Variants in AKT1S1 observed in about 807,000 individuals in gnomAD.
AKT1S1 encodes proline-rich AKT1 substrate 1.
Under a neutral mutation model 21.2 loss-of-function variants are expected in AKT1S1, and 17 were observed. That is an observed-to-expected ratio of 0.80 (90% CI 0.55 to 1.20). The LOEUF is 1.20. AKT1S1 is among the 50% of genes most tolerant of loss of function. AKT1S1 has a pLI of 0.00. For synonymous variants in AKT1S1, 181 were observed against 165.6 expected, an observed-to-expected ratio of 1.09 and a Z score of -0.72; for missense variants, 366 against 368.3, an observed-to-expected ratio of 0.99 and a Z score of 0.05.
intron 1 of AKT1S1, chr19:49,876,626 CCCGG>C: frequency 6.5e-7 from 1 of 1,531,348 alleles, no homozygotes; most frequent in Non-Finnish European, 8.8e-7. Context: ...GCATGGCCGG[CCCGG>C]CGCCGTCACC....
chr19:49,876,161 G>C, intron 1 of AKT1S1: 1 of 1,000,884 alleles, frequency 1.0e-6, no homozygotes, highest in Non-Finnish European at 1.2e-6. Context: ...TGGGGTGAGC[G>C]CCTGGGGCCA....
rs1017331630 is a variant in AKT1S1 at position 49,869,059 on chromosome 19, CTT to C, written c.*856_*857del. On this transcript the variant is annotated 3_prime_UTR_variant, in exon 5 of 5. Transcript: ENST00000344175. Reference sequence around the variant, plus strand: ...TCACATTTATCTCAGAGGTAAAACTCTTTAATCTCAGAGCGCCCCTCCCAACT... The same window carrying C: ...TCACATTTATCTCAGAGGTAAAACTCTAATCTCAGAGCGCCCCTCCCAACT... 1.3e-5 allele frequency: 2 copies of C among 152,562 alleles called. No individual in the cohort carries two copies. The highest frequency in any genetic ancestry group is 6.5e-5 in the Admixed American group (1 of 15,292). 9.5% of individuals were successfully genotyped at this position (152,562 alleles called of 1,614,324 possible). A position where few individuals can be genotyped will look rare whatever the true frequency, so the allele number is the denominator to read the frequency against.
chr19:49,872,813 C>A, intron 2 of AKT1S1, 104 bp downstream of exon 2: 2 of 1,369,040 alleles, frequency 1.5e-6, no homozygotes, highest in Non-Finnish European at 2.0e-6. Flanking sequence ...TGAGACTGCA[C>A]TTCTGTAGAA....
rs887765877 is a variant in AKT1S1, at chr19:49,873,547, C to T, written c.-7-245G>A. On this transcript the variant is annotated intron_variant, in intron 1 of 4. Transcript: ENST00000344175. This position sits in a 1 kb window ranked among gnomAD's most constrained non-coding sequence, Gnocchi z 6.9. ...TCCTCCTGCCCCAAGTCACTGTACT[C>T]CTTCCCCTTTGGCCCTGCCCTGGCC... 1 of 669,476 alleles carries T rather than the reference C, an allele frequency of 1.5e-6. No individual in the cohort carries two copies. Among genetic ancestry groups the T allele is most frequent in the Non-Finnish European group, 2.2e-6 (1 of 448,850 alleles). 41.5% of individuals were successfully genotyped at this position (669,476 alleles called of 1,614,324 possible). A position where few individuals can be genotyped will look rare whatever the true frequency, so the allele number is the denominator to read the frequency against.
chr19:49,870,959 G>T (rs1433472068), intron 4 of AKT1S1, among the ~76,000 whole-genome samples: 9 of 152,148 alleles, frequency 5.9e-5, no homozygotes, highest in African/African-American at 2.2e-4. Flanking sequence ...TGGGGACCCA[G>T]GCCTCCTCCC....
Position 49,869,927 on chromosome 19 carries a change from C to T in AKT1S1, c.761G>A (p.Arg254Gln), listed in dbSNP as rs1386294830. The T allele has an allele frequency of 1.3e-6, 2 of 1,524,268 alleles. No individual in the cohort carries two copies. Among genetic ancestry groups the T allele is most frequent in the East Asian group, 2.6e-5 (1 of 38,790 alleles). 94.4% of individuals were successfully genotyped at this position (1,524,268 alleles called of 1,614,324 possible). Residue 254 changes from arginine to glutamine, a missense_variant, in exon 5 of 5, where the codon CGG becomes CAG. Coordinates refer to ENST00000344175, the MANE Select transcript of AKT1S1 (RefSeq NM_001098633.4). ...LNTSDFQKLK[R>Q]KY ...CTCCCTCCCTGGACTTCAATATTTC[C>T]GCTTCAGCTTCTGGAAGTCGCTGGT... is the stretch of plus-strand genomic sequence containing the variant.
chr19:49,873,348 C>T lies in AKT1S1; in HGVS notation c.-7-46G>A, dbSNP rs2074907989. The T allele has an allele frequency of 7.1e-7, 1 of 1,399,550 alleles. No homozygotes were observed. The highest frequency in any genetic ancestry group is 9.2e-7 in the Non-Finnish European group (1 of 1,085,644). The allele number at this position is 1,399,550 out of a possible 1,614,324, so 86.7% of individuals were successfully genotyped here. A position where few individuals can be genotyped will look rare whatever the true frequency, so the allele number is the denominator to read the frequency against. ...GAGGGGGCTGAGGCTTGGCGGCCTACATCATCGCCACCCACTCAGAGTGCC... is the reference window on the plus strand; with the variant it reads ...GAGGGGGCTGAGGCTTGGCGGCCTATATCATCGCCACCCACTCAGAGTGCC... On this transcript the variant is annotated intron_variant, in intron 1 of 4. Transcript: ENST00000344175. The surrounding 1 kb of genome is among the most constrained non-coding windows in gnomAD (Gnocchi z 6.9).
rs139214469 is a variant in AKT1S1, at chr19:49,876,070, G to T, written c.-8+1167C>A. On this transcript the variant is annotated intron_variant, in intron 1 of 4. Coordinates refer to ENST00000344175, the MANE Select transcript of AKT1S1 (RefSeq NM_001098633.4). The stretch of plus-strand genomic sequence containing the variant: ...GAGGGAAAAGAGCTAAGGAGGAGAG[G>T]GGTGGAACCACCCCTCCTGTCGAAA... 1.2e-5 allele frequency: 12 copies of T among 985,614 alleles called. No individual in the cohort carries two copies. In the South Asian group the frequency reaches 4.2e-4, roughly 35 times the overall value. 61.1% of individuals were successfully genotyped at this position (985,614 alleles called of 1,614,324 possible).
At chr19:49,876,541 C>T (rs1441551956) in intron 1 of AKT1S1, 3 of 1,464,824 alleles carry the variant, frequency 2.0e-6, no homozygotes, top group Non-Finnish European at 2.7e-6. Context: ...TCCCAGCGCC[C>T]CGCTGCCTCA....
At chr19:49,877,781 T>C, upstream of AKT1S1, 2 of 1,572,404 alleles carry the variant, frequency 1.3e-6, no homozygotes, top group African/African-American at 1.3e-5. Context: ...CTTCAGTGTA[T>C]GCGAAACGCC....
At chr19:49,875,729 T>G in intron 1 of AKT1S1, 1 of 395,060 alleles carries the variant, frequency 2.5e-6, no homozygotes, top group Non-Finnish European at 3.4e-6. Context: ...TGAAATAGGG[T>G]GAGTGAGTTG....
chr19:49,874,968 C>G (rs1347679621), intron 1 of AKT1S1: 1 of 152,284 alleles, frequency 6.6e-6, no homozygotes, highest in Non-Finnish European at 1.5e-5. Context: ...TCTCACCTAT[C>G]TGACTCACTC....
Position 49,871,792 on chromosome 19 carries a change from G to A in AKT1S1, c.457+20C>T, listed in dbSNP as rs373349668. On this transcript the variant is annotated intron_variant, in intron 3 of 4. Transcript: ENST00000344175. ...TGTGCCTGCCCTCAGGTCGGGAGGG[G>A]AACAGCCTGGGACACTCACCATCTG... The A allele has an allele frequency of 3.1e-5, 50 of 1,611,766 alleles. No homozygotes were observed. In the African/African-American group the frequency reaches 5.4e-4, roughly 17 times the overall value.
rs940201478 is a variant in AKT1S1, at chr19:49,871,458, A to G, written c.627+89T>C. The G allele has an allele frequency of 6.5e-6, 10 of 1,545,742 alleles. No individual in the cohort carries two copies. In the African/African-American group the frequency reaches 1.4e-4, roughly 21 times the overall value. ...AGGATTCAGTTAGCTTATGGGTGGA[A>G]AGCAGCATCCATGCTGGAGGGCTTC... On this transcript the variant is annotated intron_variant, in intron 4 of 4. Coordinates refer to ENST00000344175, the MANE Select transcript of AKT1S1 (RefSeq NM_001098633.4).
At chr19:49,870,186 C>T in intron 4 of AKT1S1, 126 bp from the exon 5 acceptor site, 1 of 1,135,234 alleles carries the variant, frequency 8.8e-7, no homozygotes, top group Non-Finnish European at 1.1e-6. Flanking sequence ...CCACCTGTGC[C>T]CTGCGATGCC....
chr19:49,869,608 CG>C lies in AKT1S1; in HGVS notation c.*308del, dbSNP rs1000990353. 7.2e-6 allele frequency: 2 copies of C among 278,528 alleles called. No individual in the cohort carries two copies. The highest frequency in any genetic ancestry group is 4.4e-5 in the African/African-American group (2 of 45,694). The allele number at this position is 278,528 out of a possible 1,614,324, so 17.3% of individuals were successfully genotyped here. A position where few individuals can be genotyped will look rare whatever the true frequency, so the allele number is the denominator to read the frequency against. ...TGCGAGCAAATCCCTTGTCGCTAGG[CG>C]GAAAACAAAGGAGTTGACCCATTTA... is the stretch of plus-strand genomic sequence containing the variant. On this transcript the variant is annotated 3_prime_UTR_variant, in exon 5 of 5. Coordinates refer to ENST00000344175, the MANE Select transcript of AKT1S1 (RefSeq NM_001098633.4).
At chr19:49,878,249 G>A, upstream of AKT1S1, 1 of 1,555,468 alleles carries the variant, frequency 6.4e-7, no homozygotes, top group South Asian at 1.2e-5. Context: ...AAGGTGCGCT[G>A]GGAGGGAGCA....
At position 49,870,004 on chromosome 19, in the gene AKT1S1, T is replaced by C; in HGVS notation, c.684A>G (p.Arg228=). The change falls in exon 5 of 5, where the codon CGA becomes CGG. Residue 228 remains arginine, a synonymous_variant. Transcript: ENST00000344175. ...CGAAGACCTGGGTGTCCTCGGCCTC[T>C]CGCAGCACCAGCGCGCGCATGCTCG... ...IAASMRALVL[R]EAEDTQVFGD... is the part of the protein sequence containing the mutation. 1 of 1,547,794 alleles carries C rather than the reference T, an allele frequency of 6.5e-7. No individual in the cohort carries two copies. Among genetic ancestry groups the C allele is most frequent in the East Asian group, 2.5e-5 (1 of 39,946 alleles).
Position 49,869,822 on chromosome 19 carries a change from C to T in AKT1S1, c.*95G>A, listed in dbSNP as rs754085195. ...GAATGGGAGACGCAAGGAGGCCGGT[C>T]CCGGATCGGCCTCAGATTAGCAGGC... On this transcript the variant is annotated 3_prime_UTR_variant, in exon 5 of 5. Coordinates refer to ENST00000344175, the MANE Select transcript of AKT1S1 (RefSeq NM_001098633.4). The T allele has an allele frequency of 3.5e-5, 44 of 1,269,764 alleles. No individual in the cohort carries two copies. Among genetic ancestry groups the T allele is most frequent in the Non-Finnish European group, 4.4e-5 (43 of 978,508 alleles). The allele number at this position is 1,269,764 out of a possible 1,614,324, so 78.7% of individuals were successfully genotyped here.
Sources: gnomAD v4.1 joint callset for allele counts (sites outside exome capture counted in the v4.1 genomes callset) on GRCh38, gnomAD v4.1.1 for gene constraint, Gnocchi (gnomAD v3.1) non-coding constraint, MANE v1.5 for transcripts, NCBI Gene and HGNC (gene_info 2026-07-23, HGNC 2026-07-21) for gene names.